Variants in SETX observed in about 807,000 individuals in gnomAD.
SETX encodes the protein helicase senataxin.
SETX carries 90 observed loss-of-function variants against 227.2 expected under a neutral mutation model. The ratio of observed to expected loss-of-function variants is 0.40; its 90% confidence interval spans 0.33 to 0.47. SETX has a LOEUF of 0.47. Among genes scored for constraint, SETX ranks in the 20% least tolerant of loss-of-function variants. The pLI, the probability that SETX is intolerant of heterozygous loss-of-function variation, is 0.91. For synonymous variants in SETX, 1,210 were observed against 1,113.2 expected, an observed-to-expected ratio of 1.09 and a Z score of -1.73; for missense variants, 3,052 against 3,181.5, an observed-to-expected ratio of 0.96 and a Z score of 0.98.
chr9:132,269,678 C>A lies in SETX; in HGVS notation c.7224G>T (p.Leu2408Phe), dbSNP rs1759518890. ...ACTTGGCTCGTGTGATGGTGACATT[C>A]AATCTCTGCAAACTTGCCAGGAATC... ...SIGFLASLQR[L>F]NVTITRAKYS... The change falls in exon 25 of 26, where the codon TTG becomes TTT. Residue 2408 changes from leucine to phenylalanine, a missense_variant. Leu to Phe is a conservative substitution (Grantham distance 22). Around this residue, in one of 10 missense-constraint regions of SETX, gnomAD observed 412 missense variants for 589.0 expected, o/e 0.70. Coordinates refer to ENST00000224140, the MANE Select transcript of SETX (RefSeq NM_015046.7). The A allele has an allele frequency of 1.2e-6, 2 of 1,614,064 alleles. No homozygotes were observed. The highest frequency in any genetic ancestry group is 8.5e-7 in the Non-Finnish European group (1 of 1,180,014).
Position 132,275,366 on chromosome 9 carries a change from A to C in SETX, c.6990T>G (p.Ile2330Met), listed in dbSNP as rs757867522. ...AACTAACATCCTTTCTTTTGTCTTT[A>C]ATAAGCTTAATTATTTCCATCACCA... is the stretch of plus-strand genomic sequence containing the variant. The part of the protein sequence containing the change: ...IKLVMEIIKL[I>M]KDKRKDVSFR... The change falls in exon 23 of 26, where the codon ATT becomes ATG. Residue 2330 changes from isoleucine to methionine, a missense_variant. Ile to Met is a conservative substitution (Grantham distance 10, BLOSUM62 1). Coordinates refer to ENST00000224140, the MANE Select transcript of SETX (RefSeq NM_015046.7). 5.6e-6 allele frequency: 9 copies of C among 1,608,380 alleles called. No individual in the cohort carries two copies. The highest frequency in any genetic ancestry group is 7.7e-6 in the Non-Finnish European group (9 of 1,175,106).
rs1399457862 is a variant in SETX at position 132,273,342 on chromosome 9, T to TAGTAGAG, written c.7101-1541_7101-1535dup. The stretch of plus-strand genomic sequence containing the variant: ...CATGCCCAACTGATTTTTGTATAAT[T>TAGTAGAG]AGTAGAGACAAGATTTTACCATGTT... On this transcript the variant is annotated intron_variant, in intron 23 of 25. Transcript: ENST00000224140. Among the ~76,000 whole-genome samples, 3 of 152,272 alleles carry TAGTAGAG rather than the reference T, an allele frequency of 2.0e-5. 1 individual carries two copies. The South Asian group carries it at 6.2e-4, about 32-fold the overall frequency.
At chr9:132,282,745 A>G (rs1246013016) in intron 19 of SETX, 1 of 162,878 alleles carries the variant, frequency 6.1e-6, no homozygotes, top group Non-Finnish European at 1.4e-5. Flanking sequence ...CAACTATTTA[A>G]TCATTTCCAC....
Position 132,330,434 on chromosome 9 carries a change from T to C in SETX, c.1164A>G (p.Thr388=). 1 of 1,614,142 alleles carries C rather than the reference T, an allele frequency of 6.2e-7. No homozygotes were observed. Among genetic ancestry groups the C allele is most frequent in the Non-Finnish European group, 8.5e-7 (1 of 1,180,000 alleles). Residue 388 remains threonine (T), a synonymous_variant, in exon 10 of 26, where the codon ACA becomes ACG. Coordinates refer to ENST00000224140, the MANE Select transcript of SETX (RefSeq NM_015046.7). The part of the protein sequence containing the change: ...YCPNMYEEME[T]LASVLQSDIG... Reference sequence around the variant, plus strand: ...TATCTGACTGAAGTACACTGGCTAATGTTTCCATTTCTTCATACATGTTAG... The same window carrying C: ...TATCTGACTGAAGTACACTGGCTAACGTTTCCATTTCTTCATACATGTTAG...
intron 3 of SETX, among the ~76,000 whole-genome samples, chr9:132,347,370 T>C (rs1229402230): frequency 1.3e-5 from 2 of 151,814 alleles, no homozygotes; most frequent in East Asian, 3.9e-4. Flanking sequence ...TGGAGTGCAA[T>C]GGCGTGGTCT....
Position 132,329,201 on chromosome 9 carries a change from G to A in SETX, c.2397C>T (p.His799=), listed in dbSNP as rs1337234842. The change falls in exon 10 of 26, where the codon CAC becomes CAT. Residue 799 remains histidine, a synonymous_variant. Transcript: ENST00000224140. ...TATTATCGACCAAAGTACTCTTCCT[G>A]TGTTGCTTCTTTATTACATGTGATA... is the stretch of plus-strand genomic sequence containing the variant. ...AKLSHVIKKQ[H]RKSTLVDNTI... 6.2e-7 allele frequency: 1 copy of A among 1,613,680 alleles called. No individual in the cohort carries two copies. Among genetic ancestry groups the A allele is most frequent in the Non-Finnish European group, 8.5e-7 (1 of 1,179,908 alleles).
chr9:132,329,042 C>A lies in SETX; in HGVS notation c.2556G>T (p.Lys852Asn). The A allele has an allele frequency of 6.2e-7, 1 of 1,608,486 alleles. No homozygotes were observed. The highest frequency in any genetic ancestry group is 1.1e-5 in the South Asian group (1 of 90,728). The change falls in exon 10 of 26, where the codon AAG becomes AAT. Residue 852 changes from lysine to asparagine, a missense_variant. Physicochemically the swap from Lys to Asn is moderately conservative, Grantham distance 94 (BLOSUM62 0). This residue lies in a region of SETX where 1,483 missense variants were observed against 1,312.0 expected (regional missense o/e 1.13). Transcript: ENST00000224140. ...TGTTTTGAGATTTTTGTTCTCCATT[C>A]TTATCATCCAGAACACCACTAGGGT... Reference protein sequence around the residue: ...SLDPSGVLDDKNGEQKSQNNV... With the variant: ...SLDPSGVLDDNNGEQKSQNNV...
At chr9:132,267,756 G>C (rs989652150) in intron 25 of SETX, among the ~76,000 whole-genome samples, 6 of 152,192 alleles carry the variant, frequency 3.9e-5, no homozygotes, top group Non-Finnish European at 5.9e-5. Flanking sequence ...TGTCTAAACG[G>C]AATGTGAAAA....
chr9:132,278,330 A>T (rs766631615), intron 20 of SETX, 73 bp from the exon 21 acceptor site: 10 of 1,476,144 alleles, frequency 6.8e-6, no homozygotes, highest in Non-Finnish European at 9.5e-6. Context: ...AAACACAATT[A>T]CTGAGATCTA....
chr9:132,282,038 AGC>A (rs1209379139), intron 19 of SETX, among the ~76,000 whole-genome samples: 6 of 147,196 alleles, frequency 4.1e-5, no homozygotes, highest in African/African-American at 1.5e-4. Flanking sequence ...AAAAAAAAAA[AGC>A]AAGACTCCGT....
intron 10 of SETX, 109 bp downstream of exon 10, chr9:132,326,215 C>T (rs974997372): frequency 4.0e-5 from 35 of 879,860 alleles, no homozygotes; most frequent in East Asian, 2.9e-4. Context: ...TACAGGTGCC[C>T]GCAACCACGC....
In SETX at chr9:132,298,188, T is replaced by C. The variant is rs1402840862; in HGVS notation, c.5673A>G (p.Lys1891=). The change falls in exon 13 of 26, where the codon AAA becomes AAG. Residue 1891 remains lysine, a synonymous_variant. Transcript: ENST00000224140. ...TCCGACTACCCAACAGAGACATGGC[T>C]TTCAACTTCCTTTGTGTAGTTACCA... The part of the protein sequence containing the change: ...SSLVTTQRKL[K]AMSLLGSRNQ... 3 of 1,614,122 alleles carry C rather than the reference T, an allele frequency of 1.9e-6. No individual in the cohort carries two copies. In the South Asian group the frequency reaches 3.3e-5, roughly 18 times the overall value.
chr9:132,317,470 C>A (rs1044947555), intron 10 of SETX, among the ~76,000 whole-genome samples: 1 of 152,168 alleles, frequency 6.6e-6, no homozygotes, highest in Non-Finnish European at 1.5e-5. Flanking sequence ...TTATTATATA[C>A]ATACATGTTC....
intron 2 of SETX, among the ~76,000 whole-genome samples, chr9:132,353,247 C>T (rs764417171): frequency 2.6e-5 from 4 of 152,178 alleles, no homozygotes; most frequent in Non-Finnish European, 5.9e-5. Flanking sequence ...ACTTGCTCTT[C>T]CTAAAACCAT....
chr9:132,333,891 C>T (rs1352957894), intron 7 of SETX, among the ~76,000 whole-genome samples: 2 of 152,112 alleles, frequency 1.3e-5, no homozygotes, highest in Non-Finnish European at 2.9e-5. Flanking sequence ...CAAATAACTG[C>T]ATTTTTAATT....
intron 23 of SETX, among the ~76,000 whole-genome samples, chr9:132,272,150 G>A (rs918689552): frequency 3.9e-5 from 6 of 151,984 alleles, no homozygotes; most frequent in African/African-American, 7.2e-5. Context: ...GATTACAGGC[G>A]TGAGCCACCG....
intron 19 of SETX, 106 bp downstream of exon 19, chr9:132,283,158 T>G (rs953969795): frequency 7.6e-7 from 1 of 1,313,926 alleles, no homozygotes; most frequent in South Asian, 1.2e-5. Flanking sequence ...GAAAATCAGA[T>G]GCAAAAAAAA....
Position 132,269,604 on chromosome 9 carries a change from C to G in SETX, c.7287+11G>C. ...AACAATGGGTAAACTTCTGAGCTCT[C>G]TGGTACCTACCATCAGGGTCCTCAA... On this transcript the variant is annotated intron_variant, in intron 25 of 25. Transcript: ENST00000224140. The G allele has an allele frequency of 1.2e-6, 2 of 1,614,068 alleles. No individual in the cohort carries two copies. The highest frequency in any genetic ancestry group is 1.7e-6 in the Non-Finnish European group (2 of 1,179,892).
intron 7 of SETX, among the ~76,000 whole-genome samples, chr9:132,332,114 G>A (rs768068828): frequency 5.3e-5 from 8 of 152,168 alleles, no homozygotes; most frequent in African/African-American, 1.9e-4. Flanking sequence ...CCTACTCAAA[G>A]ACCTTCAATG....
Sources: allele counts gnomAD v4.1 joint callset (sites outside exome capture counted in the v4.1 genomes callset), GRCh38; gene constraint gnomAD v4.1.1; regional missense constraint gnomAD v4.1.1; transcripts MANE v1.5; gene names NCBI Gene and HGNC (gene_info 2026-07-23, HGNC 2026-07-21).